Variants in TMEM266 observed in about 807,000 individuals in gnomAD.
TMEM266 encodes Hv1 related protein 1.
TMEM266 carries 33 observed loss-of-function variants against 50.5 expected under a neutral mutation model. The ratio of observed to expected loss-of-function variants is 0.65; its 90% CI spans 0.50 to 0.87. TMEM266 has a LOEUF of 0.87. TMEM266 is among the 40% of genes least tolerant of loss of function. The pLI is 0.00. For synonymous variants in TMEM266, 310 were observed against 292.3 expected (o/e 1.06, Z -0.62); for missense variants, 655 against 695.1 (o/e 0.94, Z 0.65).
At chr15:76,101,172 C>T (rs2036994175) in intron 1 of TMEM266, among the ~76,000 whole-genome samples, 1 of 152,148 alleles carries the variant, frequency 6.6e-6, no homozygotes, top group African/African-American at 2.4e-5. Flanking sequence ...GATCACATGG[C>T]AGTCAGCAAC....
intron 1 of TMEM266, among the ~76,000 whole-genome samples, chr15:76,129,671 C>CA (rs371509172): frequency 2.8e-4 from 42 of 150,928 alleles, no homozygotes; most frequent in African/African-American, 9.0e-4. Context: ...AAAAACAAAA[C>CA]AAAAAAAACT....
rs969521227 is a variant in TMEM266 at position 76,153,378 on chromosome 15, T to A, written c.228-3226T>A. Among the ~76,000 whole-genome samples the A allele has an allele frequency of 3.2e-4, 49 of 152,268 alleles. No individual in the cohort carries two copies. Among genetic ancestry groups the A allele is most frequent in the African/African-American group, 1.1e-3 (44 of 41,560 alleles). On this transcript the variant is annotated intron_variant, in intron 3 of 10. Coordinates refer to ENST00000388942, the MANE Select transcript of TMEM266 (RefSeq NM_152335.3). The surrounding 1 kb of genome is among the most constrained non-coding windows in gnomAD (Gnocchi z 4.2). ...GTGAACAAATGCCCGGCACCTTCCG[T>A]GGAACGTGAAGACGAGGCTTCCTGC...
chr15:76,149,263 T>C (rs989221696), intron 3 of TMEM266, among the ~76,000 whole-genome samples: 2 of 152,238 alleles, frequency 1.3e-5, no homozygotes, highest in Non-Finnish European at 2.9e-5. Context: ...CCCATTTCTT[T>C]CCTGCCTTTT....
intron 9 of TMEM266, among the ~76,000 whole-genome samples, chr15:76,201,734 G>A (rs1387348774): frequency 6.6e-6 from 1 of 152,154 alleles, no homozygotes. Context: ...CAGGTGGATC[G>A]AGCCACGGGG....
chr15:76,103,981 G>C (rs2955749), intron 1 of TMEM266, among the ~76,000 whole-genome samples: 8,123 of 144,018 alleles, frequency 0.056, 687 homozygotes, highest in African/African-American at 0.19. Flanking sequence ...GCCAAGGCGG[G>C]CAGATCACGA....
At chr15:76,116,821 TA>T (rs2037253903) in intron 1 of TMEM266, among the ~76,000 whole-genome samples, 1 of 152,064 alleles carries the variant, frequency 6.6e-6, no homozygotes, top group Admixed American at 6.6e-5. Flanking sequence ...TTAATGAAAA[TA>T]GCACATCCTC....
chr15:76,071,592 T>C (rs540411224), intron 1 of TMEM266, among the ~76,000 whole-genome samples: 2 of 152,294 alleles, frequency 1.3e-5, no homozygotes, highest in East Asian at 3.9e-4. Flanking sequence ...TGAGAAACCA[T>C]AGCTGCATCC....
intron 2 of TMEM266, among the ~76,000 whole-genome samples, chr15:76,134,578 G>C (rs185403872): frequency 6.6e-6 from 1 of 152,308 alleles, no homozygotes; most frequent in Admixed American, 6.5e-5. Context: ...AGGGAGAATT[G>C]CTTTCATTTC....
At chr15:76,167,387 G>C (rs933622343) in intron 5 of TMEM266, among the ~76,000 whole-genome samples, 1 of 150,438 alleles carries the variant, frequency 6.6e-6, no homozygotes, top group African/African-American at 2.4e-5. Context: ...GGAGAATGGC[G>C]TGAACCTAGG....
At chr15:76,173,644 G>C (rs141251911) in intron 7 of TMEM266, among the ~76,000 whole-genome samples, 31 of 152,294 alleles carry the variant, frequency 2.0e-4, no homozygotes, top group African/African-American at 7.5e-4. Flanking sequence ...TCACGTGAAA[G>C]TCTGCAGGCC....
intron 9 of TMEM266, among the ~76,000 whole-genome samples, chr15:76,198,203 A>C (rs943610464): frequency 3.9e-5 from 6 of 152,004 alleles, no homozygotes; most frequent in African/African-American, 1.5e-4. Flanking sequence ...TAAGGGATCT[A>C]CCTAAGGCCA....
In TMEM266 at chr15:76,168,282, A is replaced by G. The variant is rs1349377546; in HGVS notation, c.457-1534A>G. ...CCTCTCTCTACTCAGAGAAGGCAAC[A>G]TGACTGTCCCCCACAAGCATTCACC... is the stretch of plus-strand genomic sequence containing the variant. On this transcript the variant is annotated intron_variant, in intron 5 of 10. Coordinates refer to ENST00000388942, the MANE Select transcript of TMEM266 (RefSeq NM_152335.3). This position sits in a 1 kb window ranked among gnomAD's most constrained non-coding sequence, Gnocchi z 4.4. Among the ~76,000 whole-genome samples, 7 of 152,220 alleles carry G rather than the reference A, an allele frequency of 4.6e-5. No homozygotes were observed. Among genetic ancestry groups the G allele is most frequent in the Admixed American group, 4.6e-4 (7 of 15,284 alleles).
intron 5 of TMEM266, among the ~76,000 whole-genome samples, chr15:76,163,868 C>T (rs1284144385): frequency 6.6e-6 from 1 of 152,248 alleles, no homozygotes; most frequent in Non-Finnish European, 1.5e-5. Context: ...TCTCCTCTCC[C>T]TCTCTTCCTC....
chr15:76,175,599 C>A lies in TMEM266; in HGVS notation c.693C>A (p.Ile231=). 6.2e-7 allele frequency: 1 copy of A among 1,614,162 alleles called. No individual in the cohort carries two copies. Among genetic ancestry groups the A allele is most frequent in the Non-Finnish European group, 8.5e-7 (1 of 1,180,006 alleles). ...TGAAGCTGGAGATGGAGATGGTTATCCAGCAGTACGAGAAGGCCAAGGTCA... is the reference window on the plus strand; with the variant it reads ...TGAAGCTGGAGATGGAGATGGTTATACAGCAGTACGAGAAGGCCAAGGTCA... Residue 231 remains isoleucine, a synonymous_variant, in exon 8 of 11, where the codon ATC becomes ATA. Transcript: ENST00000388942.
chr15:76,190,731 C>T (rs185779302), intron 8 of TMEM266, among the ~76,000 whole-genome samples: 249 of 152,304 alleles, frequency 1.6e-3, no homozygotes, highest in Non-Finnish European at 9.6e-4. Flanking sequence ...GATTTTGCAA[C>T]TCCTGTGAAA....
Position 76,072,268 on chromosome 15 carries a change from G to A in TMEM266, c.-97+12252G>A, listed in dbSNP as rs560333615. ...AGCCTGACCAACATGGAAAAACCCC[G>A]TCTCTACTAAAAATATAAAATTAGC... On this transcript the variant is annotated intron_variant, in intron 1 of 10. Coordinates refer to ENST00000388942, the MANE Select transcript of TMEM266 (RefSeq NM_152335.3). Among the ~76,000 whole-genome samples, 7 of 151,808 alleles carry A rather than the reference G, an allele frequency of 4.6e-5. No homozygotes were observed. The South Asian group carries it at 6.3e-4, about 14-fold the overall frequency.
chr15:76,196,977 GC>G (rs1264564163), intron 9 of TMEM266, among the ~76,000 whole-genome samples: 1 of 152,200 alleles, frequency 6.6e-6, no homozygotes, highest in Non-Finnish European at 1.5e-5. Flanking sequence ...ATGAATTACA[GC>G]CCCTGGTGGG....
chr15:76,137,273 G>A (rs928736860), intron 2 of TMEM266, among the ~76,000 whole-genome samples: 1 of 152,168 alleles, frequency 6.6e-6, no homozygotes, highest in Non-Finnish European at 1.5e-5. Context: ...GTGGAATAGA[G>A]AATAGAAACA....
intron 1 of TMEM266, among the ~76,000 whole-genome samples, chr15:76,093,801 G>C (rs1049131303): frequency 1.3e-5 from 2 of 151,920 alleles, no homozygotes; most frequent in African/African-American, 4.8e-5. Flanking sequence ...TTTAATGATC[G>C]CCATTTTAAC....
Sources: gnomAD v4.1 joint callset for allele counts (sites outside exome capture counted in the v4.1 genomes callset) on GRCh38, gnomAD v4.1.1 for gene constraint, Gnocchi (gnomAD v3.1) non-coding constraint, MANE v1.5 for transcripts, NCBI Gene and HGNC (gene_info 2026-07-23, HGNC 2026-07-21) for gene names.